The following RPRD2 variants were observed in gnomAD, a reference collection of about 807,000 sequenced individuals.
The protein encoded by RPRD2 is regulation of nuclear pre-mRNA domain containing 2, also known as regulation of nuclear pre-mRNA domain-containing protein 2.
RPRD2 carries 12 observed loss-of-function variants against 104.4 expected under a neutral mutation model. The observed-to-expected ratio is 0.11, with a 90% CI of 0.07 to 0.19. The LOEUF (loss-of-function observed/expected upper bound fraction) is 0.19. Ranked by LOEUF, RPRD2 falls within the 10% of genes least tolerant of loss-of-function variation. The pLI is 1.00. For synonymous variants in RPRD2, 714 were observed against 684.9 expected, an observed-to-expected ratio of 1.04 and a Z score of -0.66; for missense variants, 1,543 against 1,790.1, an observed-to-expected ratio of 0.86 and a Z score of 2.49.
In RPRD2 at chr1:150,470,890, A is replaced by T. The variant is rs1461406847; in HGVS notation, c.1942A>T (p.Ile648Phe). 1.2e-6 allele frequency: 2 copies of T among 1,613,998 alleles called. No individual in the cohort carries two copies. Among genetic ancestry groups the T allele is most frequent in the Non-Finnish European group, 1.7e-6 (2 of 1,179,900 alleles). The stretch of plus-strand genomic sequence containing the variant: ...TGCTGCCCCACCTACTGAAGTTACC[A>T]TCTGCCAATCTTCAGAGGTCTCCAA... ...SPAAPPTEVT[I>F]CQSSEVSKPK... Residue 648 changes from isoleucine (I) to phenylalanine (F), a missense_variant, in exon 11 of 11, where the codon ATC (isoleucine) becomes TTC (phenylalanine). Around this residue, in one of 4 missense-constraint regions of RPRD2, gnomAD observed 572 missense variants for 787.3 expected, o/e 0.73. Transcript: ENST00000369068.
rs1048030472 is a variant in RPRD2, at chr1:150,470,450, T to G, written c.1613-111T>G. On this transcript the variant is annotated intron_variant, in intron 10 of 10. Transcript: ENST00000369068. ...CTGGATTCCTTTTGGCCTTACACTTTGTCTATCTGGTTCCCACCAAAATGA... is the reference window on the plus strand; with the variant it reads ...CTGGATTCCTTTTGGCCTTACACTTGGTCTATCTGGTTCCCACCAAAATGA... 6.2e-6 allele frequency: 7 copies of G among 1,132,114 alleles called. No homozygotes were observed. In the African/African-American group the frequency reaches 9.4e-5, roughly 15 times the overall value. The allele number at this position is 1,132,114 out of a possible 1,614,324, so 70.1% of individuals were successfully genotyped here. A position where few individuals can be genotyped will look rare whatever the true frequency, so the allele number is the denominator to read the frequency against.
At chr1:150,381,415 G>T (rs1661119713) in intron 1 of RPRD2, among the ~76,000 whole-genome samples, 1 of 151,988 alleles carries the variant, frequency 6.6e-6, no homozygotes. Context: ...GCAAGACCCT[G>T]GCTCCAAAAA....
At chr1:150,437,912 C>T (rs1223605421) in intron 2 of RPRD2, among the ~76,000 whole-genome samples, 1 of 149,818 alleles carries the variant, frequency 6.7e-6, no homozygotes, top group Admixed American at 6.7e-5. Context: ...GTTTATTAAC[C>T]AGAAAGAACA....
Position 150,473,106 on chromosome 1 carries a change from A to G in RPRD2, c.4158A>G (p.Gly1386=). The G allele has an allele frequency of 6.2e-7, 1 of 1,613,888 alleles. No individual in the cohort carries two copies. Among genetic ancestry groups the G allele is most frequent in the Non-Finnish European group, 8.5e-7 (1 of 1,179,804 alleles). The change falls in exon 11 of 11, where the codon GGA becomes GGG. Residue 1386 remains glycine, a synonymous_variant. Transcript: ENST00000369068. ...ACCTGGGCCCACCCCATGGAGGAGG[A>G]GGTGGGGGAGGCAGCAACAGCAGCA... ...LEHLGPPHGG[G]GGGGSNSSSG... is the part of the protein sequence containing the mutation.
At chr1:150,443,173 C>T (rs1411110254) in intron 4 of RPRD2, 58 bp from the exon 5 acceptor site, 21 of 1,315,424 alleles carry the variant, frequency 1.6e-5, no homozygotes, top group Non-Finnish European at 2.0e-5. Context: ...TAAAATTTTT[C>T]CTGTTAGTCA....
At chr1:150,386,557 T>C (rs1007074748) in intron 1 of RPRD2, among the ~76,000 whole-genome samples, 2 of 152,196 alleles carry the variant, frequency 1.3e-5, no homozygotes, top group African/African-American at 2.4e-5. Flanking sequence ...GTGGTACATA[T>C]TGAGCAGTCC....
At chr1:150,457,766 C>T (rs1294856503) in intron 8 of RPRD2, among the ~76,000 whole-genome samples, 196 bp downstream of exon 8, 1 of 152,110 alleles carries the variant, frequency 6.6e-6, no homozygotes, top group Non-Finnish European at 1.5e-5. Flanking sequence ...TCAGTATCTG[C>T]ACTGTTAAAA....
intron 3 of RPRD2, 65 bp from the exon 4 acceptor site, chr1:150,441,816 A>T: frequency 1.8e-6 from 2 of 1,094,092 alleles, no homozygotes; most frequent in Non-Finnish European, 2.7e-6. Context: ...CAACTTTGGC[A>T]CTGAAGTGGA....
intron 2 of RPRD2, among the ~76,000 whole-genome samples, chr1:150,423,148 A>G (rs1217049047): frequency 6.6e-6 from 1 of 152,230 alleles, no homozygotes; most frequent in Non-Finnish European, 1.5e-5. Flanking sequence ...GCTAAGGGAC[A>G]GAAATGCCAG....
chr1:150,467,534 C>T (rs188935758), intron 10 of RPRD2, among the ~76,000 whole-genome samples: 15 of 151,950 alleles, frequency 9.9e-5, no homozygotes, highest in African/African-American at 2.9e-4. Flanking sequence ...CCACCATGCC[C>T]GGCTAATTTT....
chr1:150,437,962 C>G (rs994058987), intron 2 of RPRD2, among the ~76,000 whole-genome samples: 2 of 133,618 alleles, frequency 1.5e-5, no homozygotes, highest in African/African-American at 5.5e-5. Context: ...TGCTGAGATT[C>G]TTTCTGTCAT....
chr1:150,401,279 G>A (rs1320486869), intron 1 of RPRD2, among the ~76,000 whole-genome samples: 1 of 152,192 alleles, frequency 6.6e-6, no homozygotes, highest in Non-Finnish European at 1.5e-5. Context: ...CCTGAGGTCA[G>A]GAGTTTGAGG....
intron 1 of RPRD2, among the ~76,000 whole-genome samples, chr1:150,366,235 G>C (rs1225170483): frequency 6.6e-6 from 1 of 152,210 alleles, no homozygotes; most frequent in Non-Finnish European, 1.5e-5. Context: ...CCATCATCCA[G>C]TTATTCTGCC....
intron 3 of RPRD2, chr1:150,441,538 T>G (rs1666403770): frequency 4.4e-6 from 1 of 226,604 alleles, no homozygotes; most frequent in Admixed American, 5.2e-5. Flanking sequence ...TTTGTGATAA[T>G]CTGCTACCAT....
Position 150,472,833 on chromosome 1 carries a change from T to A in RPRD2, c.3885T>A (p.Pro1295=). 3 of 1,610,688 alleles carry A rather than the reference T, an allele frequency of 1.9e-6. No homozygotes were observed. The highest frequency in any genetic ancestry group is 2.5e-6 in the Non-Finnish European group (3 of 1,177,974). ...SGVPFSTPPP[P]PPPVDHSGVV... ...TCCCCTTTTCTACTCCACCCCCTCC[T>A]CCACCCCCTGTTGACCACTCTGGAG... The change falls in exon 11 of 11, where the codon CCT becomes CCA. Residue 1295 remains proline (P), a synonymous_variant. Transcript: ENST00000369068.
At chr1:150,401,514 G>T (rs1663004363) in intron 1 of RPRD2, among the ~76,000 whole-genome samples, 1 of 151,928 alleles carries the variant, frequency 6.6e-6, no homozygotes, top group Admixed American at 6.6e-5. Context: ...GTCTTACTTT[G>T]TTGCCCAGGT....
intron 1 of RPRD2, among the ~76,000 whole-genome samples, chr1:150,383,308 T>G (rs868914549): frequency 0.022 from 3,216 of 143,174 alleles, 153 homozygotes; most frequent in African/African-American, 0.077. Context: ...AATAAGAGGT[T>G]TTTTTTTTTT....
intron 1 of RPRD2, among the ~76,000 whole-genome samples, chr1:150,369,601 C>T (rs1157648308): frequency 2.2e-4 from 31 of 141,900 alleles, no homozygotes; most frequent in East Asian, 4.1e-4. Context: ...GGACTACAGG[C>T]GCCCGTCACC....
intron 1 of RPRD2, among the ~76,000 whole-genome samples, chr1:150,373,222 C>T (rs1046063940): frequency 6.6e-6 from 1 of 152,002 alleles, no homozygotes; most frequent in Non-Finnish European, 1.5e-5. Context: ...TCATATTGGT[C>T]ACGCTGGTCT....
Sources: gnomAD v4.1 joint callset for allele counts (sites outside exome capture counted in the v4.1 genomes callset) on GRCh38, gnomAD v4.1.1 for gene constraint, gnomAD v4.1.1 regional missense constraint, MANE v1.5 for transcripts, NCBI Gene and HGNC (gene_info 2026-07-23, HGNC 2026-07-21) for gene names.